Variants in PTPRJ observed in about 807,000 individuals in gnomAD.
PTPRJ encodes receptor-type tyrosine-protein phosphatase eta.
Under a neutral mutation model 141.3 loss-of-function variants are expected in PTPRJ, and 129 were observed. That is an observed-to-expected ratio of 0.91 (90% CI 0.79 to 1.06). PTPRJ has a LOEUF of 1.06. Ranked by LOEUF, PTPRJ falls within the 50% of genes least tolerant of loss-of-function variation. The pLI is 0.00. For synonymous variants in PTPRJ, 610 were observed against 640.5 expected (o/e 0.95, Z 0.72); for missense variants, 1,601 against 1,679.7 (o/e 0.95, Z 0.82).
At chr11:48,152,178 T>A (rs542464898) in intron 18 of PTPRJ, among the ~76,000 whole-genome samples, 259 of 152,166 alleles carry the variant, frequency 1.7e-3, no homozygotes, top group African/African-American at 5.7e-3. Flanking sequence ...GGTTTTGATT[T>A]GCATTTCTCT....
At chr11:48,074,882 T>C (rs1242258743) in intron 1 of PTPRJ, among the ~76,000 whole-genome samples, 1 of 152,110 alleles carries the variant, frequency 6.6e-6, no homozygotes, top group African/African-American at 2.4e-5. Context: ...GCTCTCAGCA[T>C]GGAAGAATCT....
intron 1 of PTPRJ, among the ~76,000 whole-genome samples, chr11:47,993,855 G>A (rs1004132650): frequency 6.7e-6 from 1 of 149,470 alleles, no homozygotes; most frequent in Non-Finnish European, 1.5e-5. Context: ...TTGAGAGGCA[G>A]TCTCGCTCTG....
chr11:48,126,468 C>A (rs1298558312), intron 6 of PTPRJ, among the ~76,000 whole-genome samples: 2 of 151,992 alleles, frequency 1.3e-5, no homozygotes, highest in Admixed American at 6.6e-5. Context: ...ATGGCGTAAA[C>A]AATGAACATT....
chr11:47,991,978 T>A (rs915036546), intron 1 of PTPRJ, among the ~76,000 whole-genome samples: 4 of 152,208 alleles, frequency 2.6e-5, no homozygotes, highest in South Asian at 4.1e-4. Context: ...TAAATTTTTT[T>A]AATCTTATAC....
At chr11:48,167,135 A>G (rs751216504) in intron 24 of PTPRJ, 69 bp from the exon 25 acceptor site, 49 of 1,476,874 alleles carry the variant, frequency 3.3e-5, no homozygotes, top group Non-Finnish European at 4.4e-5. Context: ...CCTGTTTGAA[A>G]ATAATTTTGG....
intron 12 of PTPRJ, 97 bp downstream of exon 12, chr11:48,143,147 C>A: frequency 6.9e-7 from 1 of 1,448,046 alleles, no homozygotes; most frequent in Non-Finnish European, 9.4e-7. Context: ...TGCAGACACA[C>A]GCCTGTCTTC....
At chr11:48,050,348 C>T (rs886730569) in intron 1 of PTPRJ, among the ~76,000 whole-genome samples, 1 of 152,048 alleles carries the variant, frequency 6.6e-6, no homozygotes, top group Non-Finnish European at 1.5e-5. Context: ...TGCACGGCCT[C>T]CCCCGTTAGC....
At chr11:48,092,324 GA>G (rs949655644) in intron 1 of PTPRJ, among the ~76,000 whole-genome samples, 3 of 133,944 alleles carry the variant, frequency 2.2e-5, no homozygotes, top group Non-Finnish European at 4.8e-5. Flanking sequence ...AAAAGAAAAA[GA>G]AAAAAAGAAA....
intron 11 of PTPRJ, among the ~76,000 whole-genome samples, chr11:48,142,381 A>C (rs1028480458): frequency 6.6e-6 from 1 of 152,044 alleles, no homozygotes; most frequent in Non-Finnish European, 1.5e-5. Flanking sequence ...TTCTGTAAAA[A>C]TTGCCATTGG....
rs1293339833 is a variant in PTPRJ, at chr11:48,139,737, G to A, written c.2404G>A (p.Ala802Thr). Residue 802 changes from alanine to threonine, a missense_variant, in exon 11 of 25, where the codon GCA (alanine) becomes ACA (threonine). Physicochemically the swap from Ala to Thr is moderately conservative, Grantham distance 58. Coordinates refer to ENST00000418331, the MANE Select transcript of PTPRJ (RefSeq NM_002843.4). ...SITTVSCGKM[A>T]APTRNTCTTG... ...CACCACTGTGTCCTGTGGAAAGATG[G>A]CAGCCCCCACCCGGAACACCTGCAC... 6.2e-7 allele frequency: 1 copy of A among 1,614,154 alleles called. No individual in the cohort carries two copies. The highest frequency in any genetic ancestry group is 8.5e-7 in the Non-Finnish European group (1 of 1,180,030).
chr11:48,110,448 C>T (rs1187239727), intron 2 of PTPRJ, among the ~76,000 whole-genome samples: 2 of 152,220 alleles, frequency 1.3e-5, no homozygotes, highest in East Asian at 3.8e-4. Context: ...ATCCGCCCGC[C>T]TTGGCCTCCC....
At chr11:48,078,349 T>C (rs1027115993) in intron 1 of PTPRJ, among the ~76,000 whole-genome samples, 2 of 152,178 alleles carry the variant, frequency 1.3e-5, no homozygotes. Flanking sequence ...TGAGCCACCG[T>C]GCCCGGCCTG....
At chr11:48,020,113 G>A (rs1057501541) in intron 1 of PTPRJ, among the ~76,000 whole-genome samples, 2 of 152,128 alleles carry the variant, frequency 1.3e-5, no homozygotes, top group Non-Finnish European at 2.9e-5. Flanking sequence ...AGATCCTGGC[G>A]AGGCTGTAAT....
intron 1 of PTPRJ, among the ~76,000 whole-genome samples, chr11:47,984,673 C>A (rs1402196667): frequency 6.6e-6 from 1 of 151,988 alleles, no homozygotes; most frequent in Non-Finnish European, 1.5e-5. Context: ...ATTCTCTTAC[C>A]TCAGCCTCCC....
In PTPRJ at chr11:48,028,097, G is replaced by A. The variant is rs550498595; in HGVS notation, c.96+47089G>A. ...TATTAGAGATAAAGGAAACATCTTA[G>A]CTACTACTGAGCCATAAGTGGTCTC... On this transcript the variant is annotated intron_variant, in intron 1 of 24. Transcript: ENST00000418331. Among the ~76,000 whole-genome samples the A allele has an allele frequency of 7.2e-5, 11 of 152,302 alleles. No individual in the cohort carries two copies. The South Asian group carries it at 1.2e-3, about 17-fold the overall frequency.
chr11:48,027,861 G>A (rs1853866529), intron 1 of PTPRJ, among the ~76,000 whole-genome samples: 1 of 148,204 alleles, frequency 6.7e-6, no homozygotes, highest in African/African-American at 2.5e-5. Flanking sequence ...AGGGAAGGCT[G>A]CAGTATTGTC....
intron 1 of PTPRJ, among the ~76,000 whole-genome samples, chr11:48,035,789 C>T (rs1344541059): frequency 6.6e-6 from 1 of 152,150 alleles, no homozygotes; most frequent in Non-Finnish European, 1.5e-5. Flanking sequence ...GTTAATTATA[C>T]TGCTCTGAAT....
chr11:48,039,149 C>CA (rs779545929), intron 1 of PTPRJ, among the ~76,000 whole-genome samples: 8,511 of 88,958 alleles, frequency 0.096, 839 homozygotes, highest in African/African-American at 0.29. Flanking sequence ...GAGTCTGTCT[C>CA]AAAAAAAAAA....
In PTPRJ at chr11:48,159,926, C is replaced by T; in HGVS notation, c.3439-4C>T. 6.2e-7 allele frequency: 1 copy of T among 1,613,590 alleles called. No homozygotes were observed. The highest frequency in any genetic ancestry group is 8.5e-7 in the Non-Finnish European group (1 of 1,179,696). On this transcript the variant is annotated splice_region_variant and splice_polypyrimidine_tract_variant and intron_variant, in intron 21 of 24. Transcript: ENST00000418331. ...CTTCTTATAAAAATGCAATTTTGTT[C>T]TAGACCAAATGTGAGGAGTATTGGC...
Sources: gnomAD v4.1 joint callset for allele counts (sites outside exome capture counted in the v4.1 genomes callset) on GRCh38, gnomAD v4.1.1 for gene constraint, MANE v1.5 for transcripts, NCBI Gene and HGNC (gene_info 2026-07-23, HGNC 2026-07-21) for gene names.